ATG4B: variants seen among roughly 807,000 people sequenced by gnomAD.
ATG4B encodes cysteine protease ATG4B.
A neutral mutation model predicts 56.6 loss-of-function variants in ATG4B; 29 were observed. The ratio of observed to expected loss-of-function variants is 0.51; its 90% CI spans 0.38 to 0.70. The LOEUF (loss-of-function observed/expected upper bound fraction) is 0.70, where lower values mean the gene tolerates loss of function less well. Among genes scored for constraint, ATG4B ranks in the 30% least tolerant of loss-of-function variants. ATG4B has a pLI of 0.00. For missense variants in ATG4B, 461 were observed against 515.5 expected (o/e 0.89, Z 1.02); for synonymous variants, 224 against 206.1 (o/e 1.09, Z -0.74).
intron 1 of ATG4B, among the ~76,000 whole-genome samples, chr2:241,644,624 C>T (rs2068007227): frequency 6.6e-6 from 1 of 152,110 alleles, no homozygotes; most frequent in South Asian, 2.1e-4. Context: ...ATCGAGCAGG[C>T]TGTCAGACTC....
At position 241,651,223 on chromosome 2, in the gene ATG4B, C is replaced by G; in HGVS notation, c.113-41C>G. On this transcript the variant is annotated intron_variant, in intron 2 of 12. Coordinates refer to ENST00000404914, the MANE Select transcript of ATG4B (RefSeq NM_013325.5). This position sits in a 1 kb window ranked among gnomAD's most constrained non-coding sequence, Gnocchi z 4.1. ...TAACTTGTGACTTGCAAACTTAAGG[C>G]GTTGTGTGTGTGTGTTTTTTTTCTT... The G allele has an allele frequency of 6.4e-7, 1 of 1,555,120 alleles. No individual in the cohort carries two copies. The highest frequency in any genetic ancestry group is 8.8e-7 in the Non-Finnish European group (1 of 1,142,186).
At position 241,670,794 on chromosome 2, in the gene ATG4B, CCCCACA is replaced by C; in HGVS notation, c.1014+19_1014+24del. 8 of 1,604,332 alleles carry C rather than the reference CCCCACA, an allele frequency of 5.0e-6. No homozygotes were observed. The highest frequency in any genetic ancestry group is 1.1e-5 in the South Asian group (1 of 89,394). Reference sequence around the variant, plus strand: ...AGCAAGTCAAAAAGGTTTGTAGCCGCCCCACACCCACAGCCGAGCTGAGCCACCCAG... The same window carrying C: ...AGCAAGTCAAAAAGGTTTGTAGCCGCCCCACAGCCGAGCTGAGCCACCCAG... On this transcript the variant is annotated intron_variant, in intron 11 of 12. Coordinates refer to ENST00000404914, the MANE Select transcript of ATG4B (RefSeq NM_013325.5).
chr2:241,637,979 C>T (rs901399377), intron 1 of ATG4B, among the ~76,000 whole-genome samples: 2 of 151,608 alleles, frequency 1.3e-5, no homozygotes, highest in Non-Finnish European at 2.9e-5. Flanking sequence ...TTTCCGGTCC[C>T]GTCCGGAGCG....
intron 12 of ATG4B, chr2:241,671,902 A>C (rs562376044): frequency 1.5e-6 from 2 of 1,345,216 alleles, no homozygotes; most frequent in East Asian, 3.0e-5. Context: ...ATGGCAATGG[A>C]ACCACTCCTG....
At chr2:241,658,252 G>A (rs540431382) in intron 6 of ATG4B, among the ~76,000 whole-genome samples, 1 of 151,804 alleles carries the variant, frequency 6.6e-6, no homozygotes, top group African/African-American at 2.4e-5. Flanking sequence ...GGGGAAGCAG[G>A]CTGTCCTCCC....
At chr2:241,666,252 G>A (rs2068764474) in intron 7 of ATG4B, among the ~76,000 whole-genome samples, 1 of 152,232 alleles carries the variant, frequency 6.6e-6, no homozygotes, top group Admixed American at 6.5e-5. Flanking sequence ...AGGCAGAAGG[G>A]GTGGAAGCGA....
chr2:241,654,810 C>T, intron 5 of ATG4B, 163 bp downstream of exon 5: 1 of 631,750 alleles, frequency 1.6e-6, no homozygotes, highest in Non-Finnish European at 2.8e-6. Context: ...GTCACATCAC[C>T]CCCGTGTCAT....
chr2:241,658,994 T>C, intron 6 of ATG4B, 114 bp from the exon 7 acceptor site: 2 of 716,092 alleles, frequency 2.8e-6, no homozygotes, highest in South Asian at 2.0e-5. Context: ...GCCTTGGCCC[T>C]TCTCATCCGA....
At chr2:241,643,380 T>G (rs1023879237) in intron 1 of ATG4B, among the ~76,000 whole-genome samples, 25 of 149,442 alleles carry the variant, frequency 1.7e-4, no homozygotes, top group African/African-American at 6.2e-4. Flanking sequence ...TTTTTTTTTT[T>G]TTTTTTAAGA....
At chr2:241,653,704 TAAAA>T in intron 4 of ATG4B, 94 bp downstream of exon 4, 1 of 1,061,356 alleles carries the variant, frequency 9.4e-7, no homozygotes, top group Non-Finnish European at 1.4e-6. Context: ...AGACCACAGG[TAAAA>T]CAGTAAGTAG....
chr2:241,644,125 T>C (rs948523095), intron 1 of ATG4B, among the ~76,000 whole-genome samples: 9 of 151,954 alleles, frequency 5.9e-5, no homozygotes, highest in African/African-American at 2.2e-4. Context: ...GGTGGGTGGA[T>C]CACTGGAGCC....
intron 7 of ATG4B, among the ~76,000 whole-genome samples, chr2:241,666,002 C>G (rs181881460): frequency 2.6e-5 from 4 of 152,362 alleles, no homozygotes; most frequent in Admixed American, 6.5e-5. Flanking sequence ...TTGCCGTGTT[C>G]TGGCGTTTTT....
chr2:241,653,597 G>A lies in ATG4B; in HGVS notation c.270G>A (p.Arg90=), dbSNP rs1432744711. 3.2e-6 allele frequency: 5 copies of A among 1,568,152 alleles called. No individual in the cohort carries two copies. Among genetic ancestry groups the A allele is most frequent in the Non-Finnish European group, 4.3e-6 (5 of 1,156,268 alleles). Residue 90 remains arginine (R), a synonymous_variant, in exon 4 of 13, where the codon CGG becomes CGA. Coordinates refer to ENST00000404914, the MANE Select transcript of ATG4B (RefSeq NM_013325.5). The stretch of plus-strand genomic sequence containing the variant: ...TCTTTGCCCAAGCCCTGGTGTGCCG[G>A]CACCTAGGCCGAGGTGAGTCACAGC... ...QMIFAQALVC[R]HLGRDWRWTQ...
At chr2:241,671,684 A>G in intron 12 of ATG4B, 4 of 1,379,624 alleles carry the variant, frequency 2.9e-6, no homozygotes, top group Non-Finnish European at 3.8e-6. Flanking sequence ...AGGGGTCTGG[A>G]GCAGACAGAA....
intron 1 of ATG4B, among the ~76,000 whole-genome samples, chr2:241,645,267 G>T (rs537495481): frequency 7.9e-5 from 12 of 152,340 alleles, no homozygotes; most frequent in African/African-American, 2.2e-4. Flanking sequence ...TCTTTTGTAG[G>T]AATCGCTGCA....
chr2:241,667,653 A>G (rs943533960), intron 8 of ATG4B, among the ~76,000 whole-genome samples: 9 of 151,026 alleles, frequency 6.0e-5, no homozygotes, highest in Non-Finnish European at 1.0e-4. Flanking sequence ...TCCTTTCTTC[A>G]GGTAACTCAA....
chr2:241,638,716 A>G (rs2067772915), intron 1 of ATG4B, among the ~76,000 whole-genome samples: 2 of 152,182 alleles, frequency 1.3e-5, no homozygotes, highest in South Asian at 4.1e-4. Context: ...TATTAAAATG[A>G]TTTGTAGCAG....
rs1317229005 is a variant in ATG4B, at chr2:241,654,562, A to G, written c.300A>G (p.Gln100=). ...TTCCAATAGATTGGAGGTGGACACAAAGGAAGAGGCAGCCAGACAGCTACT... is the reference window on the plus strand; with the variant it reads ...TTCCAATAGATTGGAGGTGGACACAGAGGAAGAGGCAGCCAGACAGCTACT... ...RHLGRDWRWT[Q]RKRQPDSYFS... The change falls in exon 5 of 13, where the codon CAA becomes CAG. Residue 100 remains glutamine (Q), a synonymous_variant. Transcript: ENST00000404914. 2 of 1,597,726 alleles carry G rather than the reference A, an allele frequency of 1.3e-6. No homozygotes were observed. Among genetic ancestry groups the G allele is most frequent in the Non-Finnish European group, 1.7e-6 (2 of 1,172,020 alleles).
intron 1 of ATG4B, among the ~76,000 whole-genome samples, chr2:241,638,945 A>G (rs1296325521): frequency 6.6e-6 from 1 of 152,236 alleles, no homozygotes; most frequent in African/African-American, 2.4e-5. Flanking sequence ...GATTTTTCTC[A>G]GCCACTCTGG....
Sources: gnomAD v4.1 joint callset for allele counts (sites outside exome capture counted in the v4.1 genomes callset) on GRCh38, gnomAD v4.1.1 for gene constraint, Gnocchi (gnomAD v3.1) non-coding constraint, MANE v1.5 for transcripts, NCBI Gene and HGNC (gene_info 2026-07-23, HGNC 2026-07-21) for gene names.